MPPED2: variants seen among roughly 807,000 people sequenced by gnomAD.
The protein encoded by MPPED2 is metallophosphoesterase domain containing 2.
In MPPED2, 5 loss-of-function variants were observed where a neutral mutation model predicts 33.0. The observed-to-expected ratio is 0.15, with a 90% CI of 0.08 to 0.32. The LOEUF (loss-of-function observed/expected upper bound fraction) is 0.32, where lower values mean the gene tolerates loss of function less well. MPPED2 is among the 10% of genes least tolerant of loss of function. The pLI, the probability that MPPED2 is intolerant of heterozygous loss-of-function variation, is 1.00. For synonymous variants in MPPED2, 136 were observed against 141.9 expected (o/e 0.96, Z 0.29); for missense variants, 275 against 372.1 (o/e 0.74, Z 2.15).
At chr11:30,474,803 A>T (rs1056224204) in intron 4 of MPPED2, among the ~76,000 whole-genome samples, 4 of 152,176 alleles carry the variant, frequency 2.6e-5, no homozygotes, top group African/African-American at 4.8e-5. Flanking sequence ...TAAGTTATGT[A>T]AGCCAGTAAT....
At chr11:30,407,704 T>A (rs891328800), downstream of MPPED2, among the ~76,000 whole-genome samples, 1 of 151,902 alleles carries the variant, frequency 6.6e-6, no homozygotes, top group African/African-American at 2.4e-5. Context: ...AAATCCTGTC[T>A]CTACAAAAAT....
intron 6 of MPPED2, among the ~76,000 whole-genome samples, chr11:30,413,114 C>A (rs1397729237): frequency 6.6e-6 from 1 of 152,210 alleles, no homozygotes; most frequent in Non-Finnish European, 1.5e-5. Context: ...TCAGCTGGTA[C>A]CTGCCCTTGG....
chr11:30,513,958 C>T (rs183779546), intron 3 of MPPED2, among the ~76,000 whole-genome samples: 1 of 152,280 alleles, frequency 6.6e-6, no homozygotes, highest in East Asian at 1.9e-4. Context: ...ACCCAAGGGA[C>T]TCCATTCTAG....
rs190498490 is a variant in MPPED2 at position 30,412,249 on chromosome 11, A to G, written c.767-663T>C. On this transcript the variant is annotated intron_variant, in intron 6 of 6. Coordinates refer to ENST00000358117, the MANE Select transcript of MPPED2 (RefSeq NM_001584.3). ...TTTCCTAAGCTTACCTGGATACTAG[A>G]TCAAGCAAAAACACTTCCCATATGC... Among the ~76,000 whole-genome samples, 571 of 149,520 alleles carry G rather than the reference A, an allele frequency of 3.8e-3. 2 individuals are homozygous for G. Among genetic ancestry groups the G allele is most frequent in the Middle Eastern group, 6.8e-3 (2 of 294 alleles).
intron 4 of MPPED2, among the ~76,000 whole-genome samples, chr11:30,479,779 A>C (rs180945576): frequency 6.6e-6 from 1 of 152,158 alleles, no homozygotes; most frequent in East Asian, 1.9e-4. Flanking sequence ...AACAGCCATA[A>C]GAACATATTT....
At chr11:30,460,926 C>T (rs1190644307) in intron 4 of MPPED2, among the ~76,000 whole-genome samples, 1 of 152,140 alleles carries the variant, frequency 6.6e-6, no homozygotes, top group Non-Finnish European at 1.5e-5. Flanking sequence ...ATTTGTACAA[C>T]CACAATCATG....
At chr11:30,502,290 C>A (rs900854307) in intron 3 of MPPED2, among the ~76,000 whole-genome samples, 3 of 152,172 alleles carry the variant, frequency 2.0e-5, no homozygotes, top group African/African-American at 7.2e-5. Flanking sequence ...ATGAATCCTC[C>A]TCATGCCATT....
At chr11:30,580,194 T>A in intron 2 of MPPED2, 52 bp downstream of exon 2, 1 of 1,542,314 alleles carries the variant, frequency 6.5e-7, no homozygotes, top group Admixed American at 1.8e-5. Context: ...TTCTTTTTTT[T>A]CTTTTTATTT....
chr11:30,536,390 C>T (rs939330537), intron 2 of MPPED2, among the ~76,000 whole-genome samples: 18 of 152,066 alleles, frequency 1.2e-4, no homozygotes, highest in Admixed American at 5.9e-4. Context: ...GACTTACTTA[C>T]CTGGTAGGAA....
intron 3 of MPPED2, among the ~76,000 whole-genome samples, chr11:30,521,076 T>C (rs981425162): frequency 2.6e-5 from 4 of 152,282 alleles, no homozygotes; most frequent in African/African-American, 9.6e-5. Context: ...CTAGTAATAG[T>C]AATAATAGTA....
chr11:30,537,548 G>A (rs1954879257), intron 2 of MPPED2, among the ~76,000 whole-genome samples: 1 of 152,036 alleles, frequency 6.6e-6, no homozygotes, highest in African/African-American at 2.4e-5. Flanking sequence ...TTTCAGTGAG[G>A]GAAATAGAAG....
Position 30,387,351 on chromosome 11 carries a change from T to G in MPPED2, c.*1538A>C, listed in dbSNP as rs1236767003. 3.3e-5 allele frequency: 5 copies of G among 152,232 alleles called. No homozygotes were observed. The East Asian group carries it at 9.6e-4, about 29-fold the overall frequency. 9.4% of individuals were successfully genotyped at this position (152,232 alleles called of 1,614,324 possible). A position where few individuals can be genotyped will look rare whatever the true frequency, so the allele number is the denominator to read the frequency against. ...AGAACGTTTCATTTCTTTGAAACAT[T>G]CATTATGTTTCAGGCATATTCCCAG... On this transcript the variant is annotated 3_prime_UTR_variant, in exon 7 of 7. Coordinates refer to the MPPED2 transcript ENST00000448418.
At chr11:30,426,648 A>G (rs185494063) in intron 4 of MPPED2, among the ~76,000 whole-genome samples, 1 of 152,366 alleles carries the variant, frequency 6.6e-6, no homozygotes, top group African/African-American at 2.4e-5. Flanking sequence ...TACAGTTTCC[A>G]GAACAAATCC....
intron 4 of MPPED2, chr11:30,441,142 A>AT (rs1746187019): frequency 6.6e-6 from 1 of 152,018 alleles, no homozygotes; most frequent in Admixed American, 6.6e-5. Context: ...CAGAAATCAC[A>AT]TTTTTCCACA....
intron 4 of MPPED2, among the ~76,000 whole-genome samples, chr11:30,452,834 G>A (rs1435199067): frequency 6.6e-6 from 1 of 152,026 alleles, no homozygotes; most frequent in Admixed American, 6.6e-5. Context: ...ATTATTCTAC[G>A]TGGCTCTGCA....
At chr11:30,435,982 T>C (rs1444539505) in intron 4 of MPPED2, among the ~76,000 whole-genome samples, 1 of 151,510 alleles carries the variant, frequency 6.6e-6, no homozygotes, top group Non-Finnish European at 1.5e-5. Context: ...TAGTGTCACC[T>C]GAAGTAAGCT....
chr11:30,400,022 AT>A (rs1268728150), intron 6 of MPPED2, among the ~76,000 whole-genome samples: 1 of 152,126 alleles, frequency 6.6e-6, no homozygotes, highest in Non-Finnish European at 1.5e-5. Flanking sequence ...TATTTTTAAC[AT>A]TTTTTTAGGT....
chr11:30,499,758 T>C (rs1952469215), intron 3 of MPPED2, among the ~76,000 whole-genome samples: 1 of 152,218 alleles, frequency 6.6e-6, no homozygotes, highest in African/African-American at 2.4e-5. Flanking sequence ...CTAAACTTCT[T>C]AAAAGAGGAT....
At chr11:30,563,209 C>T (rs1338735649) in intron 2 of MPPED2, among the ~76,000 whole-genome samples, 1 of 152,112 alleles carries the variant, frequency 6.6e-6, no homozygotes, top group Admixed American at 6.6e-5. Context: ...CAGTCCCCAG[C>T]CCTTTTGGCA....
Sources: allele counts gnomAD v4.1 joint callset (sites outside exome capture counted in the v4.1 genomes callset), GRCh38; gene constraint gnomAD v4.1.1; transcripts MANE v1.5; gene names NCBI Gene and HGNC (gene_info 2026-07-23, HGNC 2026-07-21).